Variants in JPH1 observed in about 807,000 individuals in gnomAD.
The protein encoded by JPH1 is junctophilin-1.
Under a neutral mutation model 53.6 loss-of-function variants are expected in JPH1, and 12 were observed. That is an observed-to-expected ratio of 0.22 (90% CI 0.14 to 0.36). The LOEUF is 0.36. Among genes scored for constraint, JPH1 ranks in the 10% least tolerant of loss-of-function variants. JPH1 has a pLI of 1.00. For synonymous variants in JPH1, 375 were observed against 363.8 expected (o/e 1.03, Z -0.35); for missense variants, 808 against 905.5 (o/e 0.89, Z 1.38).
At chr8:74,255,026 C>T (rs1384322033) in intron 3 of JPH1, among the ~76,000 whole-genome samples, 1 of 152,114 alleles carries the variant, frequency 6.6e-6, no homozygotes. Flanking sequence ...ACTTTCTCCA[C>T]AGAATTGGAA....
intron 2 of JPH1, among the ~76,000 whole-genome samples, chr8:74,269,360 T>C (rs991656230): frequency 2.0e-5 from 3 of 149,918 alleles, no homozygotes; most frequent in Non-Finnish European, 4.4e-5. Context: ...ATTAGGGGTA[T>C]AGTTATTCTC....
intron 3 of JPH1, among the ~76,000 whole-genome samples, chr8:74,251,484 T>C (rs1257236734): frequency 7.9e-5 from 12 of 152,244 alleles, no homozygotes; most frequent in Admixed American, 1.3e-4. Context: ...TTTAGGTTTC[T>C]GTGCATGTAC....
rs1048047800 is a variant in JPH1, at chr8:74,277,890, G to T, written c.1140-18387C>A. Among the ~76,000 whole-genome samples the T allele has an allele frequency of 2.6e-5, 4 of 151,972 alleles. No homozygotes were observed. The South Asian group carries it at 8.3e-4, about 32-fold the overall frequency. ...CTCAAAGATATATTAAAAAAAACAG[G>T]AAGAGTCTCCCATTCACCCTGATAT... On this transcript the variant is annotated intron_variant, in intron 2 of 5. Coordinates refer to ENST00000342232, the MANE Select transcript of JPH1 (RefSeq NM_020647.4).
intron 2 of JPH1, among the ~76,000 whole-genome samples, chr8:74,314,267 T>C (rs1048577144): frequency 2.0e-5 from 3 of 152,246 alleles, no homozygotes; most frequent in African/African-American, 7.2e-5. Flanking sequence ...TTTTTAACAA[T>C]GCATGCCAGA....
At chr8:74,313,580 C>A (rs1808056176) in intron 2 of JPH1, among the ~76,000 whole-genome samples, 1 of 150,692 alleles carries the variant, frequency 6.6e-6, no homozygotes. Flanking sequence ...TCTAGAAGTA[C>A]TAAGTTGAAC....
intron 3 of JPH1, among the ~76,000 whole-genome samples, chr8:74,248,835 G>A (rs528097711): frequency 2.0e-5 from 3 of 152,352 alleles, no homozygotes; most frequent in African/African-American, 7.2e-5. Context: ...GCAACATAAA[G>A]TTGATGAGAT....
chr8:74,260,304 A>C (rs1806354103), intron 2 of JPH1, among the ~76,000 whole-genome samples: 1 of 152,086 alleles, frequency 6.6e-6, no homozygotes, highest in South Asian at 2.1e-4. Flanking sequence ...ATCTTTCTGG[A>C]GGACTAGGGT....
chr8:74,314,741 T>C, intron 2 of JPH1, 120 bp downstream of exon 2: 1 of 1,183,498 alleles, frequency 8.4e-7, no homozygotes, highest in Non-Finnish European at 1.2e-6. Context: ...TTTTCACCTT[T>C]GATTTTTTAG....
intron 2 of JPH1, among the ~76,000 whole-genome samples, chr8:74,279,770 C>T (rs1244098253): frequency 6.6e-6 from 1 of 152,210 alleles, no homozygotes; most frequent in Non-Finnish European, 1.5e-5. Context: ...CCTTGGCTTT[C>T]CCCTGCCTCC....
intron 2 of JPH1, among the ~76,000 whole-genome samples, chr8:74,301,104 C>T (rs1807668896): frequency 6.6e-6 from 1 of 152,090 alleles, no homozygotes; most frequent in Non-Finnish European, 1.5e-5. Flanking sequence ...GTTCCTAACC[C>T]ACTACTTGCA....
chr8:74,321,051 C>G lies in JPH1; in HGVS notation c.237G>C (p.Lys79Asn), dbSNP rs369114797. 1 of 1,613,630 alleles carries G rather than the reference C, an allele frequency of 6.2e-7. No homozygotes were observed. The highest frequency in any genetic ancestry group is 8.5e-7 in the Non-Finnish European group (1 of 1,179,788). Residue 79 changes from lysine (K) to asparagine (N), a missense_variant, in exon 1 of 6, where the codon AAG becomes AAC. Physicochemically the swap from Lys to Asn is moderately conservative, Grantham distance 94. Transcript: ENST00000342232. This position sits in a 1 kb window ranked among gnomAD's most constrained non-coding sequence, Gnocchi z 4.3. ...GTGACCACTCCCCCCGGTACATCCA[C>G]TTGCCCTTCGTCTCCACCCCCAGCC... ...RHGLGVETKG[K>N]WMYRGEWSHG...
At position 74,292,542 on chromosome 8, in the gene JPH1, GA is replaced by G. The variant is rs1312183280; in HGVS notation, c.1139+22318del. 2.0e-5 allele frequency among the ~76,000 whole-genome samples: 3 copies of G among 152,140 alleles called. No individual in the cohort carries two copies. The East Asian group carries it at 5.8e-4, about 29-fold the overall frequency. ...ACAAGTTACCCAGCTGCATATGGGG[GA>G]AAAGAATGGCTTCAGTTATTTCCTT... On this transcript the variant is annotated intron_variant, in intron 2 of 5. Transcript: ENST00000342232.
chr8:74,247,019 C>T (rs538846273), intron 3 of JPH1, among the ~76,000 whole-genome samples: 3 of 152,298 alleles, frequency 2.0e-5, no homozygotes, highest in South Asian at 4.1e-4. Flanking sequence ...TGTGTCTGGA[C>T]ATAGCATTAA....
intron 2 of JPH1, among the ~76,000 whole-genome samples, chr8:74,268,019 C>A (rs774163377): frequency 6.6e-6 from 1 of 152,164 alleles, no homozygotes; most frequent in Non-Finnish European, 1.5e-5. Context: ...CAGGCAGACC[C>A]AGGTGCACAC....
At chr8:74,247,738 T>C (rs1381555966) in intron 3 of JPH1, among the ~76,000 whole-genome samples, 1 of 152,198 alleles carries the variant, frequency 6.6e-6, no homozygotes, top group Non-Finnish European at 1.5e-5. Context: ...ATTTAAATCT[T>C]TGTGATGCCC....
chr8:74,288,663 G>A (rs1807237815), intron 2 of JPH1, among the ~76,000 whole-genome samples: 1 of 152,212 alleles, frequency 6.6e-6, no homozygotes, highest in Non-Finnish European at 1.5e-5. Flanking sequence ...GAAACACAGA[G>A]TTAAGCCCAT....
intron 2 of JPH1, among the ~76,000 whole-genome samples, chr8:74,283,073 G>A (rs919543491): frequency 4.0e-4 from 61 of 152,128 alleles, no homozygotes; most frequent in Admixed American, 3.3e-3. Flanking sequence ...TGACAGTAGG[G>A]TGTTAGGGGT....
In JPH1 at chr8:74,268,692, AT is replaced by A. The variant is rs577147665; in HGVS notation, c.1140-9190del. Among the ~76,000 whole-genome samples, 747 of 152,286 alleles carry A rather than the reference AT, an allele frequency of 4.9e-3. 7 individuals carry two copies. Among genetic ancestry groups the A allele is most frequent in the African/African-American group, 0.017 (715 of 41,554 alleles). Reference sequence around the variant, plus strand: ...TTCTGGGTAACAATGAGAATTACCAATGTCAATGCTGTTTTTGTTCACATAT... The same window carrying A: ...TTCTGGGTAACAATGAGAATTACCAAGTCAATGCTGTTTTTGTTCACATAT... On this transcript the variant is annotated intron_variant, in intron 2 of 5. Coordinates refer to ENST00000342232, the MANE Select transcript of JPH1 (RefSeq NM_020647.4).
chr8:74,243,768 A>G (rs907077567), intron 4 of JPH1, among the ~76,000 whole-genome samples: 2 of 152,242 alleles, frequency 1.3e-5, no homozygotes. Flanking sequence ...TACATTATTC[A>G]AAAAATCTCC....
Sources: gnomAD v4.1 joint callset for allele counts (sites outside exome capture counted in the v4.1 genomes callset) on GRCh38, gnomAD v4.1.1 for gene constraint, Gnocchi (gnomAD v3.1) non-coding constraint, MANE v1.5 for transcripts, NCBI Gene and HGNC (gene_info 2026-07-23, HGNC 2026-07-21) for gene names.